The following BCAT2 variants were observed in gnomAD, a reference collection of about 807,000 sequenced individuals.
BCAT2 encodes branched chain amino acid transaminase 2.
Under a neutral mutation model 52.9 loss-of-function variants are expected in BCAT2, and 44 were observed. The ratio of observed to expected loss-of-function variants is 0.83; its 90% CI spans 0.65 to 1.07. The LOEUF is 1.07. Among genes scored for constraint, BCAT2 ranks in the 50% least tolerant of loss-of-function variants. The pLI is 0.00. For missense variants in BCAT2, 478 were observed against 521.8 expected, an observed-to-expected ratio of 0.92 and a Z score of 0.82; for synonymous variants, 215 against 217.1, an observed-to-expected ratio of 0.99 and a Z score of 0.08.
intron 10 of BCAT2, chr19:48,796,177 G>T (rs1175798845): frequency 9.0e-6 from 5 of 557,130 alleles, no homozygotes; most frequent in Middle Eastern, 2.6e-4. Context: ...GAGGATCACA[G>T]GAAGGGGTTT....
intron 1 of BCAT2, chr19:48,808,384 A>C: frequency 8.4e-6 from 4 of 474,750 alleles, no homozygotes; most frequent in Non-Finnish European, 1.1e-5. Context: ...GAAACACAGA[A>C]AGGGGCGCAC....
At chr19:48,797,920 G>T (rs1476632713) in intron 6 of BCAT2, among the ~76,000 whole-genome samples, 1 of 151,458 alleles carries the variant, frequency 6.6e-6, no homozygotes, top group Non-Finnish European at 1.5e-5. Context: ...GGGTCCAAGC[G>T]ATTCTCGTGC....
At chr19:48,802,479 A>C (rs1284092689) in intron 3 of BCAT2, among the ~76,000 whole-genome samples, 1 of 113,430 alleles carries the variant, frequency 8.8e-6, no homozygotes, top group African/African-American at 3.6e-5. Flanking sequence ...ATGGAGTCTC[A>C]CTCTGCCACC....
rs2034527972 is a variant in BCAT2 at position 48,796,662 on chromosome 19, C to T, written c.981G>A (p.Leu327=). ...AGACTTCCCGCACGCGGCCCTCCTC[C>T]AGGGCCCGCAGCAACTGCTTCATGG... ...TITMKQLLRA[L]EEGRVREVFG... is the part of the protein sequence containing the mutation. The change falls in exon 9 of 11, where the codon CTG becomes CTA. Residue 327 remains leucine (L), a synonymous_variant. Coordinates refer to ENST00000316273, the MANE Select transcript of BCAT2 (RefSeq NM_001190.4). 1.2e-6 allele frequency: 2 copies of T among 1,613,554 alleles called. 1 individual carries two copies. Among genetic ancestry groups the T allele is most frequent in the Non-Finnish European group, 1.7e-6 (2 of 1,180,022 alleles).
intron 3 of BCAT2, among the ~76,000 whole-genome samples, chr19:48,805,259 G>C (rs566197549): frequency 1.9e-4 from 29 of 152,166 alleles, no homozygotes; most frequent in African/African-American, 7.0e-4. Flanking sequence ...AGTATCTCAG[G>C]CTCACCAGGT....
chr19:48,806,922 G>A, intron 2 of BCAT2, 78 bp downstream of exon 2: 1 of 1,520,806 alleles, frequency 6.6e-7, no homozygotes. Context: ...TCTGGGCTGT[G>A]GACCTTTTGG....
chr19:48,796,113 C>T, intron 10 of BCAT2: 1 of 491,702 alleles, frequency 2.0e-6, no homozygotes, highest in South Asian at 3.9e-5. Flanking sequence ...CACCCAGGGG[C>T]CTCAGAGGCC....
chr19:48,798,107 G>T (rs2034572639), intron 6 of BCAT2, among the ~76,000 whole-genome samples: 1 of 151,700 alleles, frequency 6.6e-6, no homozygotes, highest in African/African-American at 2.4e-5. Context: ...GTTTCACCAT[G>T]TTGGCCAGGC....
In BCAT2 at chr19:48,795,324, C is replaced by T; in HGVS notation, c.*102G>A. On this transcript the variant is annotated 3_prime_UTR_variant, in exon 11 of 11. Transcript: ENST00000316273. ...AGAGACCCAGACGCCGCCCGCTGGC[C>T]TTTTATTTCGTATTGCACTTCAGGT... is the stretch of plus-strand genomic sequence containing the variant. The T allele has an allele frequency of 6.6e-7, 1 of 1,519,412 alleles. No individual in the cohort carries two copies. The highest frequency in any genetic ancestry group is 1.2e-5 in the South Asian group (1 of 86,912). The allele number at this position is 1,519,412 out of a possible 1,614,324, so 94.1% of individuals were successfully genotyped here. A position where few individuals can be genotyped will look rare whatever the true frequency, so the allele number is the denominator to read the frequency against.
At chr19:48,805,824 T>C (rs1599806683) in intron 3 of BCAT2, among the ~76,000 whole-genome samples, 2 of 45,716 alleles carry the variant, frequency 4.4e-5, no homozygotes, top group African/African-American at 1.9e-4. Context: ...TCTCCCGCCA[T>C]CCCTCCCCTG....
chr19:48,804,162 T>TAAATAAAA (rs2034713605), intron 3 of BCAT2, among the ~76,000 whole-genome samples: 1 of 151,206 alleles, frequency 6.6e-6, no homozygotes, highest in African/African-American at 2.4e-5. Context: ...ATCTCATAAA[T>TAAATAAAA]AAATAAACAA....
At chr19:48,804,957 G>C (rs1229777663) in intron 3 of BCAT2, among the ~76,000 whole-genome samples, 4 of 152,008 alleles carry the variant, frequency 2.6e-5, no homozygotes, top group African/African-American at 9.7e-5. Context: ...TGTCCAGAGT[G>C]GGAGGGGAGA....
rs541132047 is a variant in BCAT2, at chr19:48,808,322, A to G, written c.25-1248T>C. 96 of 916,010 alleles carry G rather than the reference A, an allele frequency of 1.0e-4. No homozygotes were observed. The South Asian group carries it at 3.8e-3, about 36-fold the overall frequency. 56.7% of individuals were successfully genotyped at this position (916,010 alleles called of 1,614,324 possible). A position where few individuals can be genotyped will look rare whatever the true frequency, so the allele number is the denominator to read the frequency against. On this transcript the variant is annotated intron_variant, in intron 1 of 10. Transcript: ENST00000316273. The stretch of plus-strand genomic sequence containing the variant: ...CTGTGGGCAGGAGAGCTGCCCTCAG[A>G]GCCAAGATGAAAAAAAGAGAGTAAG...
intron 8 of BCAT2, 61 bp from the exon 9 acceptor site, chr19:48,796,779 C>T: frequency 1.3e-6 from 2 of 1,590,454 alleles, no homozygotes; most frequent in East Asian, 2.2e-5. Context: ...AGACCTCCAC[C>T]TCTCCCTCCC....
At position 48,806,678 on chromosome 19, in the gene BCAT2, T is replaced by C. The variant is rs140233105; in HGVS notation, c.139A>G (p.Lys47Glu). ...AGGGGCTCGCCGGGGCCAGGCTTCTTATGAGGCTTCTGTGTCATTTCCAGC... is the reference window on the plus strand; with the variant it reads ...AGGGGCTCGCCGGGGCCAGGCTTCTCATGAGGCTTCTGTGTCATTTCCAGC... ...LQLEMTQKPH[K>E]KPGPGEPLVF... The change falls in exon 3 of 11, where the codon AAG becomes GAG. Residue 47 changes from lysine to glutamate, a missense_variant. Physicochemically the swap from Lys to Glu is moderately conservative, Grantham distance 56. Coordinates refer to ENST00000316273, the MANE Select transcript of BCAT2 (RefSeq NM_001190.4). The C allele has an allele frequency of 1.9e-6, 3 of 1,613,760 alleles. No individual in the cohort carries two copies. The highest frequency in any genetic ancestry group is 2.5e-6 in the Non-Finnish European group (3 of 1,179,900).
chr19:48,810,995 C>T lies in BCAT2; in HGVS notation c.13G>A (p.Ala5Thr), dbSNP rs528125680. MAAAALGQIWARKLL... is the reference protein window; with the variant it reads MAAATLGQIWARKLL... ...GGCTGCGAACCCACCTGCCCCAGAGCGGCTGCGGCCATGATCCGTGCGGCG... is the reference window on the plus strand; with the variant it reads ...GGCTGCGAACCCACCTGCCCCAGAGTGGCTGCGGCCATGATCCGTGCGGCG... Residue 5 changes from alanine to threonine, a missense_variant, in exon 1 of 11, where the codon GCT (alanine) becomes ACT (threonine). Coordinates refer to ENST00000316273, the MANE Select transcript of BCAT2 (RefSeq NM_001190.4). The T allele has an allele frequency of 6.2e-7, 1 of 1,607,972 alleles. No homozygotes were observed. Among genetic ancestry groups the T allele is most frequent in the Non-Finnish European group, 8.5e-7 (1 of 1,178,004 alleles).
Position 48,807,288 on chromosome 19 carries a change from C to T in BCAT2, c.25-214G>A. On this transcript the variant is annotated intron_variant, in intron 1 of 10. Transcript: ENST00000316273. The surrounding 1 kb of genome is among the most constrained non-coding windows in gnomAD (Gnocchi z 4.6). ...TGGAAAGAGCTGAGTCAGCTCCCGC[C>T]CCCTCCTCCATGCTGCGGCAAAGTC... The T allele has an allele frequency of 2.0e-6, 1 of 508,632 alleles. No individual in the cohort carries two copies. The highest frequency in any genetic ancestry group is 3.5e-6 in the Non-Finnish European group (1 of 286,054). 31.5% of individuals were successfully genotyped at this position (508,632 alleles called of 1,614,324 possible).
Position 48,810,787 on chromosome 19 carries a change from G to T in BCAT2, c.24+197C>A. 5 of 1,056,086 alleles carry T rather than the reference G, an allele frequency of 4.7e-6. No homozygotes were observed. The South Asian group carries it at 8.2e-5, about 17-fold the overall frequency. The allele number at this position is 1,056,086 out of a possible 1,614,324, so 65.4% of individuals were successfully genotyped here. A position where few individuals can be genotyped will look rare whatever the true frequency, so the allele number is the denominator to read the frequency against. On this transcript the variant is annotated intron_variant, in intron 1 of 10. Coordinates refer to ENST00000316273, the MANE Select transcript of BCAT2 (RefSeq NM_001190.4). ...GCCAATTACTTGCCCCACCTCATCC[G>T]CGTCTACCTGCTCCCCCTCACCCCA...
chr19:48,809,458 C>G (rs2034871981), intron 1 of BCAT2, among the ~76,000 whole-genome samples: 1 of 151,724 alleles, frequency 6.6e-6, no homozygotes, highest in Non-Finnish European at 1.5e-5. Flanking sequence ...CCCGGAGAGA[C>G]CCCATCATAC....
Sources: gnomAD v4.1 joint callset for allele counts (sites outside exome capture counted in the v4.1 genomes callset) on GRCh38, gnomAD v4.1.1 for gene constraint, Gnocchi (gnomAD v3.1) non-coding constraint, MANE v1.5 for transcripts, NCBI Gene and HGNC (gene_info 2026-07-23, HGNC 2026-07-21) for gene names.